OIT3: variants seen among roughly 807,000 people sequenced by gnomAD.
OIT3 encodes oncoprotein-induced transcript 3 protein.
Under a neutral mutation model 52.2 loss-of-function variants are expected in OIT3, and 41 were observed. That is an observed-to-expected ratio of 0.79 (90% confidence interval 0.61 to 1.02). The LOEUF is 1.02. OIT3 is among the 50% of genes least tolerant of loss of function. OIT3 has a pLI of 0.00. For missense variants in OIT3, 634 were observed against 715.5 expected, an observed-to-expected ratio of 0.89 and a Z score of 1.30; for synonymous variants, 244 against 276.9, an observed-to-expected ratio of 0.88 and a Z score of 1.18.
intron 1 of OIT3, 30 bp downstream of exon 1, chr10:72,893,889 T>G (rs758636062): frequency 1.3e-6 from 2 of 1,573,368 alleles, no homozygotes; most frequent in Non-Finnish European, 8.7e-7. Context: ...CTTGGCACAA[T>G]GCACTTTTTG....
At chr10:72,929,727 G>C (rs1280606655) in intron 7 of OIT3, among the ~76,000 whole-genome samples, 1 of 152,032 alleles carries the variant, frequency 6.6e-6, no homozygotes, top group African/African-American at 2.4e-5. Context: ...ATTATTAATA[G>C]AGACGGGTTT....
chr10:72,900,284 ACC>A, intron 2 of OIT3, 91 bp from the exon 3 acceptor site: 1 of 642,518 alleles, frequency 1.6e-6, no homozygotes, highest in Non-Finnish European at 2.7e-6. Flanking sequence ...TAGGGATACC[ACC>A]CCCCCCGACC....
intron 3 of OIT3, among the ~76,000 whole-genome samples, chr10:72,902,346 G>A (rs11000440): frequency 0.25 from 37,954 of 151,928 alleles, 10,970 homozygotes; most frequent in African/African-American, 0.71. Context: ...GAGGTAATAC[G>A]TTTAAATGGT....
At chr10:72,897,869 C>A (rs1845890208) in intron 1 of OIT3, among the ~76,000 whole-genome samples, 1 of 152,158 alleles carries the variant, frequency 6.6e-6, no homozygotes, top group African/African-American at 2.4e-5. Flanking sequence ...AACTAATATG[C>A]ATTTTCTTCC....
chr10:72,932,442 G>T lies in OIT3; in HGVS notation c.1556G>T (p.Arg519Leu). 6 of 1,614,172 alleles carry T rather than the reference G, an allele frequency of 3.7e-6. No homozygotes were observed. Among genetic ancestry groups the T allele is most frequent in the Non-Finnish European group, 5.1e-6 (6 of 1,179,992 alleles). ...CAQGCHRRMR[R>L]GAGGEDSAGL... The stretch of plus-strand genomic sequence containing the variant: ...CAGGGTTGCCACCGGCGAATGCGTC[G>T]TGGGGCAGGAGGAGAGGACTCAGCC... The change falls in exon 9 of 9, where the codon CGT (arginine) becomes CTT (leucine). Residue 519 changes from arginine to leucine, a missense_variant. By Grantham distance (102) the Arg-to-Leu change is moderately radical. Coordinates refer to ENST00000334011, the MANE Select transcript of OIT3 (RefSeq NM_152635.3).
chr10:72,899,773 C>G (rs761272940), intron 2 of OIT3, among the ~76,000 whole-genome samples: 3 of 151,842 alleles, frequency 2.0e-5, no homozygotes, highest in Non-Finnish European at 4.4e-5. Context: ...GATAGATAAT[C>G]AGACATCCAT....
At position 72,900,338 on chromosome 10, in the gene OIT3, TCTC is replaced by T. The variant is rs1235719680; in HGVS notation, c.437-36_437-34del. 3 of 1,090,130 alleles carry T rather than the reference TCTC, an allele frequency of 2.8e-6. No homozygotes were observed. The African/African-American group carries it at 4.8e-5, about 17-fold the overall frequency. The allele number at this position is 1,090,130 out of a possible 1,614,324, so 67.5% of individuals were successfully genotyped here. A position where few individuals can be genotyped will look rare whatever the true frequency, so the allele number is the denominator to read the frequency against. ...AAAAGAATGAAAGAGTGTCTTCTGGTCTCCTGCCCTCATGAAGATAATCTTTAT... is the reference window on the plus strand; with the variant it reads ...AAAAGAATGAAAGAGTGTCTTCTGGTCTGCCCTCATGAAGATAATCTTTAT... On this transcript the variant is annotated intron_variant, in intron 2 of 8. Coordinates refer to ENST00000334011, the MANE Select transcript of OIT3 (RefSeq NM_152635.3).
In OIT3 at chr10:72,912,272, CTTTTTTTT is replaced by C. The variant is rs749814581; in HGVS notation, c.790+443_790+450del. Among the ~76,000 whole-genome samples the C allele has an allele frequency of 1.2e-4, 15 of 125,848 alleles. No homozygotes were observed. In the East Asian group the frequency reaches 2.5e-3, roughly 21 times the overall value. The allele number at this position is 125,848 out of a possible 152,430, so 82.6% of individuals were successfully genotyped here. Reference sequence around the variant, plus strand: ...TTCTGGAAATCTAATTCTTTTTTTTCTTTTTTTTTTTTTTTTTGGCAGAGTCTCACTCT... The same window carrying C: ...TTCTGGAAATCTAATTCTTTTTTTTCTTTTTTTTTGGCAGAGTCTCACTCT... On this transcript the variant is annotated intron_variant, in intron 5 of 8. Coordinates refer to ENST00000334011, the MANE Select transcript of OIT3 (RefSeq NM_152635.3).
At chr10:72,893,949 A>C in intron 1 of OIT3, 90 bp downstream of exon 1, 3 of 774,992 alleles carry the variant, frequency 3.9e-6, no homozygotes, top group Non-Finnish European at 4.1e-6. Context: ...AGATTCCAGT[A>C]CCTTAAATGC....
At chr10:72,903,171 CAG>C (rs1210750763) in intron 3 of OIT3, among the ~76,000 whole-genome samples, 1 of 152,110 alleles carries the variant, frequency 6.6e-6, no homozygotes, top group Non-Finnish European at 1.5e-5. Flanking sequence ...AATAATATAA[CAG>C]ACACTCATGT....
chr10:72,915,767 A>T (rs2132940159), intron 6 of OIT3, among the ~76,000 whole-genome samples: 1 of 152,180 alleles, frequency 6.6e-6, no homozygotes, highest in East Asian at 1.9e-4. Flanking sequence ...TGTAGATCAC[A>T]AAAAGGATCC....
At chr10:72,911,345 T>TA (rs1268915038) in intron 4 of OIT3, among the ~76,000 whole-genome samples, 2 of 152,192 alleles carry the variant, frequency 1.3e-5, no homozygotes, top group Non-Finnish European at 2.9e-5. Context: ...TTTACATCAA[T>TA]AATGCTCTAT....
At chr10:72,921,440 G>A (rs369127254) in intron 6 of OIT3, among the ~76,000 whole-genome samples, 3 of 152,028 alleles carry the variant, frequency 2.0e-5, no homozygotes, top group Non-Finnish European at 4.4e-5. Context: ...GTATTGTTAC[G>A]TGTGGATTTG....
intron 6 of OIT3, chr10:72,918,625 C>T (rs1317526030): frequency 2.9e-6 from 2 of 689,368 alleles, no homozygotes; most frequent in Middle Eastern, 3.9e-4. Flanking sequence ...CAGAATCACA[C>T]CAGGGTACAC....
At chr10:72,929,989 G>A (rs761736224) in intron 7 of OIT3, among the ~76,000 whole-genome samples, 6 of 152,114 alleles carry the variant, frequency 3.9e-5, no homozygotes, top group Non-Finnish European at 1.5e-5. Flanking sequence ...CAATTTGGAG[G>A]TGCATGACTT....
At chr10:72,914,141 G>T (rs1470087698) in intron 6 of OIT3, among the ~76,000 whole-genome samples, 1 of 152,162 alleles carries the variant, frequency 6.6e-6, no homozygotes, top group African/African-American at 2.4e-5. Flanking sequence ...TTTCAGATAG[G>T]AAACAAGTGA....
At chr10:72,905,873 G>A (rs1238705474) in intron 3 of OIT3, among the ~76,000 whole-genome samples, 1 of 152,166 alleles carries the variant, frequency 6.6e-6, no homozygotes, top group Non-Finnish European at 1.5e-5. Context: ...TGGGGCCAAG[G>A]TCATGCCTCC....
In OIT3 at chr10:72,897,092, C is replaced by T. The variant is rs183300162; in HGVS notation, c.62-1572C>T. ...AGGCTGGAATGCAATGGTGTGGTCT[C>T]GGCTCCCTGCAACCTCCACCTTCCG... On this transcript the variant is annotated intron_variant, in intron 1 of 8. Coordinates refer to ENST00000334011, the MANE Select transcript of OIT3 (RefSeq NM_152635.3). 4.6e-3 allele frequency among the ~76,000 whole-genome samples: 693 copies of T among 152,006 alleles called. 5 individuals are homozygous for T. The highest frequency in any genetic ancestry group is 0.016 in the African/African-American group (658 of 41,414).
At chr10:72,913,985 A>G (rs1188701728) in intron 6 of OIT3, among the ~76,000 whole-genome samples, 1 of 152,222 alleles carries the variant, frequency 6.6e-6, no homozygotes, top group African/African-American at 2.4e-5. Context: ...CAGAAAATGT[A>G]AGGAAAGGAT....
Sources: allele counts gnomAD v4.1 joint callset (sites outside exome capture counted in the v4.1 genomes callset), GRCh38; gene constraint gnomAD v4.1.1; transcripts MANE v1.5; gene names NCBI Gene and HGNC (gene_info 2026-07-23, HGNC 2026-07-21).